The following PSMG2 variants were observed in gnomAD, a reference collection of about 807,000 sequenced individuals.
PSMG2 encodes proteasome assembly chaperone 2.
In PSMG2, 21 loss-of-function variants were observed where a neutral mutation model predicts 31.5. The observed-to-expected ratio is 0.67, with a 90% CI of 0.47 to 0.96. PSMG2 has a LOEUF of 0.96. Among genes scored for constraint, PSMG2 ranks in the 40% least tolerant of loss-of-function variants. The pLI, the probability that PSMG2 is intolerant of heterozygous loss-of-function variation, is 0.00. For synonymous variants in PSMG2, 120 were observed against 110.4 expected (o/e 1.09, Z -0.54); for missense variants, 318 against 321.2 (o/e 0.99, Z 0.08).
Position 12,705,570 on chromosome 18 carries a change from A to AGTGTGT in PSMG2, c.58-979_58-978insTGTGTG, listed in dbSNP as rs1361528977. Among the ~76,000 whole-genome samples the AGTGTGT allele has an allele frequency of 4.0e-3, 501 of 126,272 alleles. 2 individuals are homozygous for AGTGTGT. Among genetic ancestry groups the AGTGTGT allele is most frequent in the Admixed American group, 0.011 (138 of 12,266 alleles). 82.8% of individuals were successfully genotyped at this position (126,272 alleles called of 152,430 possible). Reference sequence around the variant, plus strand: ...AAGAGAGAGAGAGAGAGAGAGAGAGAGAGAGAGTGTGTGTGTGTGTGTGTG... The same window carrying AGTGTGT: ...AAGAGAGAGAGAGAGAGAGAGAGAGAGTGTGTGAGAGAGTGTGTGTGTGTGTGTGTG... On this transcript the variant is annotated intron_variant, in intron 1 of 6. Coordinates refer to ENST00000317615, the MANE Select transcript of PSMG2 (RefSeq NM_020232.5).
intron 1 of PSMG2, among the ~76,000 whole-genome samples, chr18:12,678,834 T>C (rs1598623023): frequency 1.3e-5 from 2 of 152,016 alleles, no homozygotes; most frequent in South Asian, 4.2e-4. Context: ...CACGTGCCTG[T>C]AGTCCCAGCT....
chr18:12,697,528 C>CT (rs2039998709), intron 1 of PSMG2: 2 of 695,136 alleles, frequency 2.9e-6, no homozygotes, highest in Non-Finnish European at 4.5e-6. Flanking sequence ...GAACAATTTG[C>CT]TAATGTCTCA....
At chr18:12,701,348 A>C (rs2040143747), upstream of PSMG2, among the ~76,000 whole-genome samples, 6 of 152,176 alleles carry the variant, frequency 3.9e-5, no homozygotes. Flanking sequence ...AACCAAAAGG[A>C]ATCTTCTGAG....
chr18:12,683,186 C>CAAAA lies in PSMG2; in HGVS notation c.-36-23349_-36-23346dup, dbSNP rs765652085. On this transcript the variant is annotated intron_variant, in intron 1 of 6. Coordinates refer to the PSMG2 transcript ENST00000585331. ...GAAACCCCATCTCTACTAAAAATAC[C>CAAAA]AAAAAAAAAAAAAAAAAAGCCAGGC... Among the ~76,000 whole-genome samples, 179 of 63,664 alleles carry CAAAA rather than the reference C, an allele frequency of 2.8e-3. 3 individuals carry two copies. Among genetic ancestry groups the CAAAA allele is most frequent in the African/African-American group, 9.9e-3 (169 of 16,992 alleles). 41.8% of individuals were successfully genotyped at this position (63,664 alleles called of 152,430 possible).
chr18:12,672,177 C>G (rs1014001429), intron 1 of PSMG2, among the ~76,000 whole-genome samples: 1 of 140,746 alleles, frequency 7.1e-6, no homozygotes, highest in Non-Finnish European at 1.5e-5. Context: ...TGCAGTGGCG[C>G]GATCTCACCT....
chr18:12,680,954 T>TG, intron 1 of PSMG2: 2 of 811,830 alleles, frequency 2.5e-6, no homozygotes, highest in Non-Finnish European at 3.7e-6. Context: ...ATCCCAACAC[T>TG]TTGGGAGGCC....
intron 1 of PSMG2, among the ~76,000 whole-genome samples, chr18:12,668,597 C>CAAAAAAAAAAAAAAAAAAAAAAAA: frequency 1.4e-5 from 1 of 72,836 alleles, no homozygotes. Context: ...GATTCCATCT[C>CAAAAAAAAAAAAAAAAAAAAAAAA]AAAAAAAAAA....
upstream of PSMG2, among the ~76,000 whole-genome samples, chr18:12,698,285 A>G (rs1012457792): frequency 4.3e-4 from 66 of 151,956 alleles, no homozygotes; most frequent in Non-Finnish European, 7.8e-4. Context: ...CTGGAGTGCA[A>G]TGGGGTGATC....
chr18:12,682,997 CAA>C (rs2039404072), intron 1 of PSMG2, among the ~76,000 whole-genome samples: 1 of 151,864 alleles, frequency 6.6e-6, no homozygotes, highest in Admixed American at 6.6e-5. Flanking sequence ...AAAATATCTG[CAA>C]AGATAGTCAG....
chr18:12,686,058 A>T, intron 1 of PSMG2: 1 of 449,376 alleles, frequency 2.2e-6, no homozygotes, highest in African/African-American at 2.0e-5. Flanking sequence ...CCATTTTTTA[A>T]TTTGTACTAT....
chr18:12,669,032 C>CTTTTTTTTTTTTTTTT lies in PSMG2; in HGVS notation c.-37+10270_-37+10285dup, dbSNP rs71174122. On this transcript the variant is annotated intron_variant, in intron 1 of 6. Transcript: ENST00000585331. Reference sequence around the variant, plus strand: ...GGCTTGAGCTACCGCACCCCCCGCACTTTTTTTTTTTTTTTTTTTTTTTTT... The same window carrying CTTTTTTTTTTTTTTTT: ...GGCTTGAGCTACCGCACCCCCCGCACTTTTTTTTTTTTTTTTTTTTTTTTTTTTTTTTTTTTTTTTT... Among the ~76,000 whole-genome samples the CTTTTTTTTTTTTTTTT allele has an allele frequency of 4.8e-5, 2 of 41,960 alleles. 1 individual carries two copies. The allele number at this position is 41,960 out of a possible 152,430, so 27.5% of individuals were successfully genotyped here. A position where few individuals can be genotyped will look rare whatever the true frequency, so the allele number is the denominator to read the frequency against.
At chr18:12,704,390 C>T (rs2040240151) in intron 1 of PSMG2, among the ~76,000 whole-genome samples, 1 of 152,034 alleles carries the variant, frequency 6.6e-6, no homozygotes, top group Admixed American at 6.6e-5. Flanking sequence ...AGTTCAAGAC[C>T]AGCCTGGGCG....
intron 1 of PSMG2, among the ~76,000 whole-genome samples, chr18:12,705,057 A>G (rs1437575449): frequency 6.6e-6 from 1 of 152,054 alleles, no homozygotes; most frequent in Admixed American, 6.6e-5. Flanking sequence ...TAGATTGAAT[A>G]ATATTGAACT....
intron 1 of PSMG2, chr18:12,674,536 C>G (rs777148740): frequency 1.9e-6 from 3 of 1,608,574 alleles, no homozygotes; most frequent in Non-Finnish European, 2.6e-6. Flanking sequence ...TACACCTTAC[C>G]GAAGACATGT....
chr18:12,697,494 A>G (rs984476484), intron 1 of PSMG2: 1 of 923,222 alleles, frequency 1.1e-6, no homozygotes, highest in East Asian at 2.7e-5. Context: ...AACAGTAAAT[A>G]ATAAGCTTAT....
chr18:12,658,957 T>C, intron 1 of PSMG2: 1 of 184,048 alleles, frequency 5.4e-6, no homozygotes, highest in Non-Finnish European at 1.2e-5. Flanking sequence ...ACCACACTCA[T>C]CAGAGCATGT....
chr18:12,693,761 G>A (rs966932584), intron 1 of PSMG2, among the ~76,000 whole-genome samples: 18 of 152,202 alleles, frequency 1.2e-4, no homozygotes, highest in African/African-American at 3.4e-4. Context: ...CCAACCTGGC[G>A]ACAGAGCGAG....
intron 1 of PSMG2, chr18:12,680,905 T>C (rs531692559): frequency 1.8e-5 from 23 of 1,310,292 alleles, no homozygotes; most frequent in South Asian, 1.2e-4. Context: ...TAAATTATAA[T>C]AAAAATTTAT....
chr18:12,703,123 G>A lies in PSMG2; in HGVS notation c.16G>A (p.Gly6Arg), dbSNP rs756591475. ...CACTGCGACCATGTTCGTTCCCTGCGGGGAGTCGGCCCCCGACCTTGCCGG... is the reference window on the plus strand; with the variant it reads ...CACTGCGACCATGTTCGTTCCCTGCAGGGAGTCGGCCCCCGACCTTGCCGG... MFVPC[G>R]ESAPDLAGFT... The change falls in exon 1 of 7, where the codon GGG (glycine) becomes AGG (arginine). Residue 6 changes from glycine (G) to arginine (R), a missense_variant. By Grantham distance (125) the Gly-to-Arg change is moderately radical. Coordinates refer to ENST00000317615, the MANE Select transcript of PSMG2 (RefSeq NM_020232.5). The A allele has an allele frequency of 1.9e-6, 3 of 1,612,386 alleles. No individual in the cohort carries two copies. The highest frequency in any genetic ancestry group is 1.3e-5 in the African/African-American group (1 of 74,896).
Sources: gnomAD v4.1 joint callset for allele counts (sites outside exome capture counted in the v4.1 genomes callset) on GRCh38, gnomAD v4.1.1 for gene constraint, MANE v1.5 for transcripts, NCBI Gene and HGNC (gene_info 2026-07-23, HGNC 2026-07-21) for gene names.